SLC44A1: variants seen among roughly 807,000 people sequenced by gnomAD.
SLC44A1 encodes choline transporter-like protein 1.
In SLC44A1, 26 loss-of-function variants were observed where a neutral mutation model predicts 79.3. That is an observed-to-expected ratio of 0.33 (90% CI 0.24 to 0.46). The LOEUF (loss-of-function observed/expected upper bound fraction) is 0.46. Among genes scored for constraint, SLC44A1 ranks in the 20% least tolerant of loss-of-function variants. The probability of loss-of-function intolerance (pLI) is 1.00; values close to 1 mark genes in which losing one functional copy is unlikely to be tolerated. For missense variants in SLC44A1, 688 were observed against 798.1 expected (o/e 0.86, Z 1.66); for synonymous variants, 263 against 286.2 (o/e 0.92, Z 0.82).
chr9:105,417,445 A>G (rs746485251), intron 15 of SLC44A1, among the ~76,000 whole-genome samples: 11 of 152,054 alleles, frequency 7.2e-5, no homozygotes, highest in Non-Finnish European at 1.5e-4. Flanking sequence ...GTCTTTATGC[A>G]CTTATCATGG....
intron 15 of SLC44A1, among the ~76,000 whole-genome samples, chr9:105,436,787 A>G (rs1829468766): frequency 6.6e-6 from 1 of 152,210 alleles, no homozygotes; most frequent in South Asian, 2.1e-4. Flanking sequence ...AGTGGCACGT[A>G]CTAAAATCTC....
intron 2 of SLC44A1, among the ~76,000 whole-genome samples, chr9:105,304,944 G>GTTTTTTTTTGTTTTTTTTTTTTTTTTT (rs1554790127): frequency 5.0e-5 from 1 of 20,078 alleles, no homozygotes. Context: ...ACTTTCTATC[G>GTTTTTTTTTGTTTTTTTTTTTTTTTTT]TTTTTTTTTT....
chr9:105,365,149 T>C (rs117128135), intron 10 of SLC44A1, among the ~76,000 whole-genome samples: 1 of 152,232 alleles, frequency 6.6e-6, no homozygotes, highest in Non-Finnish European at 1.5e-5. Context: ...TATAATTAGA[T>C]GCCAAGTCTA....
chr9:105,405,376 AT>A (rs1453761275), intron 15 of SLC44A1, among the ~76,000 whole-genome samples: 5 of 152,116 alleles, frequency 3.3e-5, no homozygotes, highest in Non-Finnish European at 5.9e-5. Context: ...AGAGCAGGAA[AT>A]TCCAAAACTC....
chr9:105,385,742 A>C, intron 15 of SLC44A1: 1 of 985,414 alleles, frequency 1.0e-6, no homozygotes, highest in Admixed American at 6.1e-5. Flanking sequence ...AGTGCTCGGC[A>C]GGGGCGGGTA....
chr9:105,429,427 C>T (rs1026501891), intron 15 of SLC44A1, among the ~76,000 whole-genome samples: 3 of 152,144 alleles, frequency 2.0e-5, no homozygotes, highest in African/African-American at 7.2e-5. Flanking sequence ...CTCAGCCTCC[C>T]GAGTAGCTGG....
chr9:105,373,250 GA>G (rs1190165615), intron 12 of SLC44A1, among the ~76,000 whole-genome samples: 1 of 152,152 alleles, frequency 6.6e-6, no homozygotes, highest in Non-Finnish European at 1.5e-5. Flanking sequence ...TTGGGACCTA[GA>G]AACAATTTAA....
intron 3 of SLC44A1, 119 bp downstream of exon 3, chr9:105,309,985 C>T (rs1831135627): frequency 9.5e-7 from 1 of 1,054,070 alleles, no homozygotes; most frequent in Non-Finnish European, 1.3e-6. Context: ...TATGTGACTT[C>T]TGTTGGTGTG....
intron 1 of SLC44A1, chr9:105,294,867 C>CTGTGTGTGTGTGTG (rs58548571): frequency 7.6e-6 from 1 of 130,910 alleles, no homozygotes; most frequent in African/African-American, 2.9e-5. Context: ...AATTTTGAGT[C>CTGTGTGTGTGTGTG]TGTGTGTGTG....
At chr9:105,304,075 A>G (rs1830952936) in intron 2 of SLC44A1, among the ~76,000 whole-genome samples, 1 of 152,230 alleles carries the variant, frequency 6.6e-6, no homozygotes, top group African/African-American at 2.4e-5. Context: ...TTAGAAATGC[A>G]AAGTTGGAAT....
chr9:105,342,983 A>AT (rs1286583108), intron 4 of SLC44A1, among the ~76,000 whole-genome samples: 16 of 150,542 alleles, frequency 1.1e-4, no homozygotes, highest in African/African-American at 3.9e-4. Flanking sequence ...TCTAAAAAAA[A>AT]AAAAATATAT....
chr9:105,388,264 C>A (rs570918978), intron 15 of SLC44A1, among the ~76,000 whole-genome samples: 1 of 152,294 alleles, frequency 6.6e-6, no homozygotes, highest in South Asian at 2.1e-4. Context: ...CCTACTAACA[C>A]CATTCCTTTG....
At chr9:105,339,858 T>C (rs1419309506) in intron 4 of SLC44A1, among the ~76,000 whole-genome samples, 1 of 151,908 alleles carries the variant, frequency 6.6e-6, no homozygotes, top group Non-Finnish European at 1.5e-5. Flanking sequence ...AAAGAAAATG[T>C]GGTGAATACA....
rs771445946 is a variant in SLC44A1 at position 105,351,634 on chromosome 9, GAA to G, written c.500+3185_500+3186del. 2.0e-4 allele frequency among the ~76,000 whole-genome samples: 27 copies of G among 133,266 alleles called. 1 individual carries two copies. Among genetic ancestry groups the G allele is most frequent in the Non-Finnish European group, 2.4e-4 (15 of 61,892 alleles). 87.4% of individuals were successfully genotyped at this position (133,266 alleles called of 152,430 possible). A position where few individuals can be genotyped will look rare whatever the true frequency, so the allele number is the denominator to read the frequency against. ...AGAAAGAAAGAAAGAGAGAGAAAGA[GAA>G]AGAAAGAAAGAAAGAAAGAAAGAAA... On this transcript the variant is annotated intron_variant, in intron 5 of 15. Transcript: ENST00000374720.
intron 11 of SLC44A1, 33 bp from the exon 12 acceptor site, chr9:105,366,312 GT>G: frequency 4.1e-6 from 5 of 1,206,220 alleles, no homozygotes; most frequent in South Asian, 1.8e-5. Flanking sequence ...TGATTCTTTG[GT>G]TTTTTTATTA....
rs1167076279 is a variant in SLC44A1, at chr9:105,263,537, A to ATT, written c.36+18648_36+18649dup. Among the ~76,000 whole-genome samples the ATT allele has an allele frequency of 2.4e-3, 330 of 135,960 alleles. 3 individuals are homozygous for ATT. Among genetic ancestry groups the ATT allele is most frequent in the Middle Eastern group, 7.9e-3 (2 of 254 alleles). 89.2% of individuals were successfully genotyped at this position (135,960 alleles called of 152,430 possible). A position where few individuals can be genotyped will look rare whatever the true frequency, so the allele number is the denominator to read the frequency against. ...ATTTTTATCAGTTACACATGTGTGT[A>ATT]TTTTTTTTTTTTTTTTGAGATGGAA... On this transcript the variant is annotated intron_variant, in intron 1 of 15. Coordinates refer to ENST00000374720, the MANE Select transcript of SLC44A1 (RefSeq NM_080546.5).
In SLC44A1 at chr9:105,246,931, C is replaced by T. The variant is rs572187731; in HGVS notation, c.36+2027C>T. 4.9e-4 allele frequency among the ~76,000 whole-genome samples: 74 copies of T among 152,238 alleles called. 1 individual carries two copies. The South Asian group carries it at 9.7e-3, about 20-fold the overall frequency. On this transcript the variant is annotated intron_variant, in intron 1 of 15. Coordinates refer to ENST00000374720, the MANE Select transcript of SLC44A1 (RefSeq NM_080546.5). The stretch of plus-strand genomic sequence containing the variant: ...CTCTCACTGTAGAACATGCCTTGTT[C>T]CACAGATAAGATGCATGTCATGCAC...
intron 4 of SLC44A1, among the ~76,000 whole-genome samples, chr9:105,341,335 CAA>C (rs529318721): frequency 7.7e-5 from 5 of 65,212 alleles, no homozygotes; most frequent in East Asian, 5.5e-4. Flanking sequence ...AACTTCGTCT[CAA>C]AAAAAAAAAA....
intron 1 of SLC44A1, among the ~76,000 whole-genome samples, chr9:105,252,698 G>A (rs867933591): frequency 5.9e-5 from 9 of 152,338 alleles, no homozygotes; most frequent in Middle Eastern, 6.8e-3. Context: ...TAAAGAAAAC[G>A]TGTTTGAGCT....
Sources: gnomAD v4.1 joint callset for allele counts (sites outside exome capture counted in the v4.1 genomes callset) on GRCh38, gnomAD v4.1.1 for gene constraint, MANE v1.5 for transcripts, NCBI Gene and HGNC (gene_info 2026-07-23, HGNC 2026-07-21) for gene names.